The following SLC2A6 variants were observed in gnomAD, a reference collection of about 807,000 sequenced individuals.
SLC2A6 encodes the protein solute carrier family 2 member 6, also known as solute carrier family 2, facilitated glucose transporter member 6.
Under a neutral mutation model 47.8 loss-of-function variants are expected in SLC2A6, and 39 were observed. The ratio of observed to expected loss-of-function variants is 0.82; its 90% CI spans 0.63 to 1.07. The LOEUF is 1.07. Ranked by LOEUF, SLC2A6 falls within the 50% of genes least tolerant of loss-of-function variation. The pLI is 0.00. For synonymous variants in SLC2A6, 346 were observed against 324.1 expected (o/e 1.07, Z -0.73); for missense variants, 650 against 707.6 (o/e 0.92, Z 0.92).
intron 1 of SLC2A6, 55 bp downstream of exon 1, chr9:133,478,913 G>T: frequency 6.8e-7 from 1 of 1,473,470 alleles, no homozygotes. Flanking sequence ...CCGGCTGGAG[G>T]GAACCAGGGC....
In SLC2A6 at chr9:133,471,220, T is replaced by TA. The variant is rs1478832953; in HGVS notation, c.*800_*801insT. ...GCCAGGTCCTTTGCCCTGGCTTTTT[T>TA]TTTTTTTTTTTTGGCAGGGGGTGGG... On this transcript the variant is annotated 3_prime_UTR_variant, in exon 10 of 10. Transcript: ENST00000371899. The TA allele has an allele frequency of 1.3e-5, 2 of 151,016 alleles. No homozygotes were observed. The highest frequency in any genetic ancestry group is 3.9e-4 in the East Asian group (2 of 5,122). 9.4% of individuals were successfully genotyped at this position (151,016 alleles called of 1,614,324 possible).
At chr9:133,473,330 A>G in intron 8 of SLC2A6, 80 bp from the exon 9 acceptor site, 1 of 1,536,600 alleles carries the variant, frequency 6.5e-7, no homozygotes. Flanking sequence ...GCTGCTGGAG[A>G]CCCCCCTCTC....
chr9:133,472,809 T>C (rs911076263), intron 9 of SLC2A6, among the ~76,000 whole-genome samples: 1 of 151,738 alleles, frequency 6.6e-6, no homozygotes, highest in Non-Finnish European at 1.5e-5. Context: ...GGTGGGGAGG[T>C]GGCTTCCGGG....
rs782816509 is a variant in SLC2A6 at position 133,478,993 on chromosome 9, A to C, written c.67T>G (p.Ser23Ala). The part of the protein sequence containing the change: ...YDTFPEKPPP[S>A]PGDRARVGTL... ...CCGACCCGCGCCCTGTCCCCTGGCGACGGGGGCGGCTTCTCGGGGAAGGTG... is the reference window on the plus strand; with the variant it reads ...CCGACCCGCGCCCTGTCCCCTGGCGCCGGGGGCGGCTTCTCGGGGAAGGTG... Residue 23 changes from serine (S) to alanine (A), a missense_variant, in exon 1 of 10, where the codon TCG becomes GCG. Coordinates refer to ENST00000371899, the MANE Select transcript of SLC2A6 (RefSeq NM_017585.4). 2.0e-5 allele frequency: 32 copies of C among 1,593,300 alleles called. No individual in the cohort carries two copies. In the South Asian group the frequency reaches 3.6e-4, roughly 18 times the overall value.
At chr9:133,476,774 A>G (rs1588245743) in intron 3 of SLC2A6, among the ~76,000 whole-genome samples, 1 of 152,164 alleles carries the variant, frequency 6.6e-6, no homozygotes, top group South Asian at 2.1e-4. Flanking sequence ...ATTTTCTCCA[A>G]TTGAGTAATA....
intron 1 of SLC2A6, 66 bp downstream of exon 1, chr9:133,478,902 G>T: frequency 1.4e-6 from 2 of 1,430,110 alleles, no homozygotes; most frequent in African/African-American, 1.5e-5. Context: ...GGAGCCTGCC[G>T]CCGGCTGGAG....
intron 2 of SLC2A6, 91 bp downstream of exon 2, chr9:133,478,163 A>T: frequency 7.0e-7 from 1 of 1,435,580 alleles, no homozygotes; most frequent in East Asian, 2.3e-5. Context: ...GGGACCCCCA[A>T]GGTGGAGAAT....
At chr9:133,478,933 G>A in intron 1 of SLC2A6, 35 bp downstream of exon 1, 1 of 1,520,628 alleles carries the variant, frequency 6.6e-7, no homozygotes, top group Non-Finnish European at 8.8e-7. Flanking sequence ...CCACCCCCAG[G>A]CCCCACCCGC....
At chr9:133,473,744 G>T in intron 7 of SLC2A6, 144 bp from the exon 8 acceptor site, 1 of 893,278 alleles carries the variant, frequency 1.1e-6, no homozygotes, top group Non-Finnish European at 1.7e-6. Context: ...AGCAAGCTCT[G>T]TCTCCAGCCG....
Position 133,477,036 on chromosome 9 carries a change from G to A in SLC2A6, c.461C>T (p.Pro154Leu), listed in dbSNP as rs587597657. Residue 154 changes from proline to leucine, a missense_variant and splice_region_variant, in exon 3 of 10, where the codon CCG becomes CTG. By Grantham distance (98) the Pro-to-Leu change is moderately conservative. Transcript: ENST00000371899. ...FAGGLTAACI[P>L]VYVSEIAPPG... ...CTGGGTGGGAAGGCCTGGCCTTACCGGGATGCAGGCAGCTGTGAGCCCCCC... is the reference window on the plus strand; with the variant it reads ...CTGGGTGGGAAGGCCTGGCCTTACCAGGATGCAGGCAGCTGTGAGCCCCCC... 17 of 1,547,510 alleles carry A rather than the reference G, an allele frequency of 1.1e-5. No homozygotes were observed. The highest frequency in any genetic ancestry group is 1.4e-5 in the Non-Finnish European group (16 of 1,146,484).
Position 133,473,198 on chromosome 9 carries a change from C to A in SLC2A6, c.1275G>T (p.Leu425=). 1 of 1,604,290 alleles carries A rather than the reference C, an allele frequency of 6.2e-7. No homozygotes were observed. The highest frequency in any genetic ancestry group is 8.5e-7 in the Non-Finnish European group (1 of 1,176,322). The part of the protein sequence containing the change: ...PITWLLMSEV[L]PLRARGVASG... ...AGGCCACGCCACGGGCACGCAGGGG[C>A]AGGACCTCAGACATGAGCAGCCAGG... Residue 425 remains leucine (L), a synonymous_variant, in exon 9 of 10, where the codon CTG becomes CTT. Transcript: ENST00000371899.
At chr9:133,473,065 A>C (rs3124762) in intron 9 of SLC2A6, 40 bp downstream of exon 9, 234,531 of 1,566,534 alleles carry the variant, frequency 0.15, 19,210 homozygotes, top group Middle Eastern at 0.17. Flanking sequence ...GGCCAGTCAG[A>C]GAGGGCCTAG....
At chr9:133,478,231 C>T (rs1554803847) in intron 2 of SLC2A6, 23 bp downstream of exon 2, 3 of 1,613,146 alleles carry the variant, frequency 1.9e-6, no homozygotes, top group Non-Finnish European at 1.7e-6. Context: ...TGCACCCACC[C>T]TCCTCCAGAG....
chr9:133,473,512 C>T lies in SLC2A6; in HGVS notation c.1125G>A (p.Leu375=), dbSNP rs781830866. 1.6e-5 allele frequency: 26 copies of T among 1,599,452 alleles called. No homozygotes were observed. The South Asian group carries it at 2.3e-4, about 14-fold the overall frequency. The part of the protein sequence containing the change: ...RPLSPNSTAG[L]ESESWGDLAQ... ...CCAAGTCCCCCCAGGACTCGCTTTC[C>T]AGGCCCGCAGTGCTGTTGGGGCTCA... Residue 375 remains leucine (L), a synonymous_variant, in exon 8 of 10, where the codon CTG becomes CTA. Transcript: ENST00000371899.
At chr9:133,472,232 C>G (rs1229550390) in intron 9 of SLC2A6, 56 bp from the exon 10 acceptor site, 68 of 1,593,546 alleles carry the variant, frequency 4.3e-5, no homozygotes, top group Non-Finnish European at 5.7e-5. Flanking sequence ...TCCTCCTGCC[C>G]CAGAGGAGCT....
Position 133,473,508 on chromosome 9 carries a change from T to C in SLC2A6, c.1129A>G (p.Ser377Gly), listed in dbSNP as rs1843815075. ...TGCGCCAAGTCCCCCCAGGACTCGC[T>C]TTCCAGGCCCGCAGTGCTGTTGGGG... is the stretch of plus-strand genomic sequence containing the variant. ...LSPNSTAGLE[S>G]ESWGDLAQPL... The change falls in exon 8 of 10, where the codon AGC (serine) becomes GGC (glycine). Residue 377 changes from serine to glycine, a missense_variant. Coordinates refer to ENST00000371899, the MANE Select transcript of SLC2A6 (RefSeq NM_017585.4). The C allele has an allele frequency of 1.2e-6, 2 of 1,601,092 alleles. No homozygotes were observed. The highest frequency in any genetic ancestry group is 4.5e-5 in the East Asian group (2 of 44,500).
chr9:133,478,102 C>T, intron 2 of SLC2A6, 152 bp downstream of exon 2: 1 of 752,202 alleles, frequency 1.3e-6, no homozygotes, highest in Non-Finnish European at 2.2e-6. Context: ...TAGCTTTACC[C>T]CACCCACTAG....
intron 7 of SLC2A6, 42 bp downstream of exon 7, chr9:133,473,938 T>A (rs1554802441): frequency 6.8e-7 from 1 of 1,471,882 alleles, no homozygotes; most frequent in East Asian, 2.3e-5. Context: ...CCCTGACCCA[T>A]GCGGAGGAGT....
Position 133,477,140 on chromosome 9 carries a change from C to A in SLC2A6, c.357G>T (p.Ser119=), listed in dbSNP as rs587747603. ...CCGCCATGAGCGCATAGCCGGCCGC[C>A]GACGGCACAGCTGAGAACATGATGC... The part of the protein sequence containing the change: ...KLSIMFSAVP[S]AAGYALMAGA... The change falls in exon 3 of 10, where the codon TCG becomes TCT. Residue 119 remains serine, a synonymous_variant. Transcript: ENST00000371899. 1 of 1,549,654 alleles carries A rather than the reference C, an allele frequency of 6.5e-7. No homozygotes were observed. The highest frequency in any genetic ancestry group is 2.4e-5 in the East Asian group (1 of 40,896).
Sources: allele counts gnomAD v4.1 joint callset (sites outside exome capture counted in the v4.1 genomes callset), GRCh38; gene constraint gnomAD v4.1.1; transcripts MANE v1.5; gene names NCBI Gene and HGNC (gene_info 2026-07-23, HGNC 2026-07-21).